The following ZNF654 variants were observed in gnomAD, a reference collection of about 807,000 sequenced individuals.
The protein encoded by ZNF654 is melanoma-associated antigen.
In ZNF654, 19 loss-of-function variants were observed where a neutral mutation model predicts 95.3. That is an observed-to-expected ratio of 0.20 (90% CI 0.14 to 0.29). The LOEUF (loss-of-function observed/expected upper bound fraction) is 0.29. Among genes scored for constraint, ZNF654 ranks in the 10% least tolerant of loss-of-function variants. The pLI is 1.00. For missense variants in ZNF654, 1,046 were observed against 1,341.0 expected (o/e 0.78, Z 3.44); for synonymous variants, 413 against 457.9 (o/e 0.90, Z 1.25).
chr3:88,098,428 C>T (rs1704194458), intron 2 of ZNF654, among the ~76,000 whole-genome samples: 1 of 152,202 alleles, frequency 6.6e-6, no homozygotes, highest in Non-Finnish European at 1.5e-5. Flanking sequence ...ATCATTCGTT[C>T]TCAAACTATT....
intron 6 of ZNF654, 144 bp from the exon 7 acceptor site, chr3:88,134,914 TAGA>T (rs1215742441): frequency 8.9e-6 from 4 of 447,910 alleles, no homozygotes; most frequent in Non-Finnish European, 1.1e-5. Context: ...CTCATATAGG[TAGA>T]AGAAGTAGTT....
intron 1 of ZNF654, among the ~76,000 whole-genome samples, chr3:88,085,102 A>G (rs75461470): frequency 0.01 from 1,571 of 152,328 alleles, 25 homozygotes; most frequent in African/African-American, 0.035. Flanking sequence ...GAAATGTGAG[A>G]GACCCATGGA....
At position 88,143,692 on chromosome 3, in the gene ZNF654, C is replaced by CT. The variant is rs1294800510; in HGVS notation, c.*2041dup. The CT allele has an allele frequency of 2.0e-5, 3 of 152,246 alleles. No homozygotes were observed. The highest frequency in any genetic ancestry group is 1.5e-5 in the Non-Finnish European group (1 of 67,772). The allele number at this position is 152,246 out of a possible 1,614,324, so 9.4% of individuals were successfully genotyped here. On this transcript the variant is annotated 3_prime_UTR_variant, in exon 9 of 9. Coordinates refer to ENST00000636215, the MANE Select transcript of ZNF654 (RefSeq NM_001350134.2). Reference sequence around the variant, plus strand: ...GTTTCAAATATATTCCATTTGTAATCTGTCTTTAACTTGAGGTTTATTTCT... The same window carrying CT: ...GTTTCAAATATATTCCATTTGTAATCTTGTCTTTAACTTGAGGTTTATTTCT...
intron 6 of ZNF654, among the ~76,000 whole-genome samples, chr3:88,130,238 A>C (rs1430917595): frequency 2.0e-5 from 3 of 152,144 alleles, no homozygotes; most frequent in Non-Finnish European, 4.4e-5. Flanking sequence ...CTGTTTCCTC[A>C]GCTCCAGTAC....
intron 1 of ZNF654, among the ~76,000 whole-genome samples, chr3:88,071,497 T>C (rs576274070): frequency 6.6e-6 from 1 of 152,214 alleles, no homozygotes; most frequent in African/African-American, 2.4e-5. Flanking sequence ...ACAAAAAAAT[T>C]TGGCTGGGCG....
At chr3:88,108,202 AG>A (rs1383732083) in intron 2 of ZNF654, among the ~76,000 whole-genome samples, 1 of 151,600 alleles carries the variant, frequency 6.6e-6, no homozygotes, top group Non-Finnish European at 1.5e-5. Context: ...TTTTCAAAGT[AG>A]TTTTTTTTTT....
chr3:88,071,951 A>C (rs991397526), intron 1 of ZNF654, among the ~76,000 whole-genome samples: 1 of 152,202 alleles, frequency 6.6e-6, no homozygotes, highest in Non-Finnish European at 1.5e-5. Flanking sequence ...GTGCTCATAA[A>C]ATGCTGTATT....
chr3:88,122,138 A>G (rs939481540), intron 3 of ZNF654, among the ~76,000 whole-genome samples: 5 of 152,194 alleles, frequency 3.3e-5, no homozygotes, highest in Admixed American at 6.6e-5. Flanking sequence ...AGCTAGTAGA[A>G]GCTTCTTGGG....
chr3:88,087,676 T>TA (rs1206744573), intron 2 of ZNF654, among the ~76,000 whole-genome samples: 1 of 152,196 alleles, frequency 6.6e-6, no homozygotes, highest in African/African-American at 2.4e-5. Flanking sequence ...CAGTGGCTTA[T>TA]AAAAACACTT....
At chr3:88,114,601 T>C (rs2107772676) in intron 3 of ZNF654, among the ~76,000 whole-genome samples, 1 of 152,326 alleles carries the variant, frequency 6.6e-6, no homozygotes, top group East Asian at 1.9e-4. Context: ...TTTAAAAATC[T>C]CTGCCATTTC....
At chr3:88,130,349 G>A (rs1050175604) in intron 6 of ZNF654, among the ~76,000 whole-genome samples, 3 of 152,122 alleles carry the variant, frequency 2.0e-5, no homozygotes, top group Non-Finnish European at 2.9e-5. Context: ...AATCTGAAAT[G>A]ATCATGGGCT....
chr3:88,117,414 G>A (rs1377502845), intron 3 of ZNF654, among the ~76,000 whole-genome samples: 3 of 151,964 alleles, frequency 2.0e-5, no homozygotes, highest in South Asian at 4.2e-4. Flanking sequence ...TTTTTTAAGA[G>A]GAAAAATATG....
intron 2 of ZNF654, among the ~76,000 whole-genome samples, chr3:88,093,250 C>T (rs1199841566): frequency 2.6e-5 from 4 of 152,132 alleles, no homozygotes; most frequent in Admixed American, 1.3e-4. Flanking sequence ...TTAAGTTTCA[C>T]AGGTGAAACA....
chr3:88,069,529 A>G (rs1707390120), intron 1 of ZNF654, among the ~76,000 whole-genome samples: 1 of 152,202 alleles, frequency 6.6e-6, no homozygotes, highest in Admixed American at 6.5e-5. Flanking sequence ...TTTTCTTCAT[A>G]GCACTTATCG....
intron 3 of ZNF654, among the ~76,000 whole-genome samples, chr3:88,119,181 C>T (rs1705601956): frequency 6.8e-6 from 1 of 147,370 alleles, no homozygotes; most frequent in South Asian, 2.2e-4. Flanking sequence ...GTGGCACATA[C>T]ACACCATGGA....
At chr3:88,125,624 A>G (rs1296060664) in intron 3 of ZNF654, among the ~76,000 whole-genome samples, 2 of 152,180 alleles carry the variant, frequency 1.3e-5, no homozygotes, top group Non-Finnish European at 2.9e-5. Context: ...CAGAATCTCC[A>G]TCTTCCAGCC....
At chr3:88,100,228 A>G (rs974477367) in intron 2 of ZNF654, among the ~76,000 whole-genome samples, 1 of 152,258 alleles carries the variant, frequency 6.6e-6, no homozygotes, top group African/African-American at 2.4e-5. Flanking sequence ...AAAAATGCTC[A>G]TCATCACTGG....
rs554808888 is a variant in ZNF654 at position 88,081,477 on chromosome 3, G to A, written c.187-4780G>A. 7.9e-5 allele frequency among the ~76,000 whole-genome samples: 12 copies of A among 152,246 alleles called. No homozygotes were observed. In the South Asian group the frequency reaches 2.5e-3, roughly 32 times the overall value. On this transcript the variant is annotated intron_variant, in intron 1 of 8. Coordinates refer to ENST00000636215, the MANE Select transcript of ZNF654 (RefSeq NM_001350134.2). The stretch of plus-strand genomic sequence containing the variant: ...TTGTCATTGTGGTGTCTGCCTAATG[G>A]TGCTTCTCTGTTTGTCTTTTTCCTT...
At chr3:88,095,963 CT>C (rs1234500311) in intron 2 of ZNF654, 1 of 323,178 alleles carries the variant, frequency 3.1e-6, no homozygotes, top group African/African-American at 2.3e-5. Flanking sequence ...GCTTGGTTTT[CT>C]TTCCCGTGTT....
Sources: allele counts gnomAD v4.1 joint callset (sites outside exome capture counted in the v4.1 genomes callset), GRCh38; gene constraint gnomAD v4.1.1; transcripts MANE v1.5; gene names NCBI Gene and HGNC (gene_info 2026-07-23, HGNC 2026-07-21).